The following HSPH1 variants were observed in gnomAD, a reference collection of about 807,000 sequenced individuals.
The protein encoded by HSPH1 is heat shock protein 105 kDa.
In HSPH1, 40 loss-of-function variants were observed where a neutral mutation model predicts 100.0. That is an observed-to-expected ratio of 0.40 (90% CI 0.31 to 0.52). The LOEUF (loss-of-function observed/expected upper bound fraction) is 0.52. HSPH1 is among the 20% of genes least tolerant of loss of function. The pLI is 0.54. For missense variants in HSPH1, 876 were observed against 1,015.1 expected, an observed-to-expected ratio of 0.86 and a Z score of 1.86; for synonymous variants, 403 against 344.0, an observed-to-expected ratio of 1.17 and a Z score of -1.90.
upstream of HSPH1, chr13:31,162,054 C>T (rs910023268): frequency 1.3e-6 from 2 of 1,536,152 alleles, no homozygotes; most frequent in Non-Finnish European, 8.7e-7. Context: ...AGATTCTACC[C>T]AATGGGCAGC....
chr13:31,145,787 A>C lies in HSPH1; in HGVS notation c.1379-19T>G, dbSNP rs781389311. On this transcript the variant is annotated intron_variant, in intron 10 of 17. Coordinates refer to ENST00000320027, the MANE Select transcript of HSPH1 (RefSeq NM_006644.4). ...AAGCGGCCTAGAACAACAACAACAA[A>C]AATCACAAAATCACAATTTATTTAG... 16 of 1,598,364 alleles carry C rather than the reference A, an allele frequency of 1.0e-5. No individual in the cohort carries two copies. The highest frequency in any genetic ancestry group is 1.7e-4 in the Middle Eastern group (1 of 6,020).
rs1956235646 is a variant in HSPH1, at chr13:31,145,492, C to G, written c.1584+71G>C. On this transcript the variant is annotated intron_variant, in intron 11 of 17. Coordinates refer to ENST00000320027, the MANE Select transcript of HSPH1 (RefSeq NM_006644.4). ...GGAAAACATTCATTTTAACCCTTCCCTACCCAATTCTCCTATAGCTTAGAA... is the reference window on the plus strand; with the variant it reads ...GGAAAACATTCATTTTAACCCTTCCGTACCCAATTCTCCTATAGCTTAGAA... 4 of 1,159,252 alleles carry G rather than the reference C, an allele frequency of 3.5e-6. No individual in the cohort carries two copies. The South Asian group carries it at 5.3e-5, about 15-fold the overall frequency. 71.8% of individuals were successfully genotyped at this position (1,159,252 alleles called of 1,614,324 possible).
rs1955910286 is a variant in HSPH1, at chr13:31,137,192, A to AT, written c.*125dup. ...ACTTAAGCTTTTTTTCTTTTTCCAT[A>AT]TAATACACAAAATTTCTAAATATCC... On this transcript the variant is annotated 3_prime_UTR_variant, in exon 18 of 18. Coordinates refer to ENST00000320027, the MANE Select transcript of HSPH1 (RefSeq NM_006644.4). 3 of 741,544 alleles carry AT rather than the reference A, an allele frequency of 4.0e-6. No individual in the cohort carries two copies. Among genetic ancestry groups the AT allele is most frequent in the Admixed American group, 4.8e-5 (2 of 42,008 alleles). 45.9% of individuals were successfully genotyped at this position (741,544 alleles called of 1,614,324 possible). A position where few individuals can be genotyped will look rare whatever the true frequency, so the allele number is the denominator to read the frequency against.
intron 2 of HSPH1, among the ~76,000 whole-genome samples, chr13:31,156,564 C>CA (rs34646240): frequency 0.68 from 97,309 of 142,516 alleles, 32,580 homozygotes; most frequent in Middle Eastern, 0.73. Context: ...AACTCATTCT[C>CA]AAAAAAAAAA....
In HSPH1 at chr13:31,143,624, A is replaced by G. The variant is rs1593186790; in HGVS notation, c.1716+168T>C. 2.6e-5 allele frequency among the ~76,000 whole-genome samples: 4 copies of G among 152,318 alleles called. No individual in the cohort carries two copies. In the South Asian group the frequency reaches 8.3e-4, roughly 32 times the overall value. On this transcript the variant is annotated intron_variant, in intron 12 of 17. Transcript: ENST00000320027. ...ATTCAATTCCCTTAATTGAGCTTGA[A>G]TACCTCTAACTGGTTTTAGTTGAAA...
intron 3 of HSPH1, among the ~76,000 whole-genome samples, 169 bp downstream of exon 3, chr13:31,155,345 A>T (rs535107834): frequency 3.7e-4 from 56 of 152,344 alleles, no homozygotes; most frequent in Non-Finnish European, 7.4e-4. Flanking sequence ...TTTGAATAAT[A>T]TTCAAAGACA....
At chr13:31,154,556 C>T (rs1286950961) in intron 4 of HSPH1, 77 bp downstream of exon 4, 1 of 1,531,284 alleles carries the variant, frequency 6.5e-7, no homozygotes, top group Non-Finnish European at 9.0e-7. Context: ...AACAGCTTTC[C>T]CACATTTCAT....
intron 12 of HSPH1, among the ~76,000 whole-genome samples, chr13:31,142,137 G>A (rs926494716): frequency 9.9e-5 from 15 of 152,078 alleles, no homozygotes; most frequent in African/African-American, 2.7e-4. Flanking sequence ...CATGTATCCT[G>A]TAGGTAGGAT....
In HSPH1 at chr13:31,154,669, G is replaced by A; in HGVS notation, c.393C>T (p.Asn131=). The A allele has an allele frequency of 6.2e-7, 1 of 1,614,028 alleles. No homozygotes were observed. The highest frequency in any genetic ancestry group is 8.5e-7 in the Non-Finnish European group (1 of 1,179,940). ...LLTKLKETAE[N]SLKKPVTDCV... ...AATCTGTTACTGGTTTCTTGAGGCT[G>A]TTTTCAGCAGTTTCCTTCAGCTTAG... Residue 131 remains asparagine (N), a synonymous_variant, in exon 4 of 18, where the codon AAC becomes AAT. Transcript: ENST00000320027.
intron 10 of HSPH1, 100 bp from the exon 11 acceptor site, chr13:31,145,868 C>T (rs1255380139): frequency 9.1e-7 from 1 of 1,103,592 alleles, no homozygotes; most frequent in Non-Finnish European, 1.3e-6. Context: ...GTCTGTAATC[C>T]CAGCACTTTG....
At chr13:31,142,167 G>A (rs1459952258) in intron 12 of HSPH1, among the ~76,000 whole-genome samples, 2 of 152,052 alleles carry the variant, frequency 1.3e-5, no homozygotes, top group African/African-American at 2.4e-5. Context: ...GGAAGAGACT[G>A]GCCCATGAGG....
intron 1 of HSPH1, among the ~76,000 whole-genome samples, chr13:31,159,612 G>C (rs1444266997): frequency 6.6e-6 from 1 of 152,158 alleles, no homozygotes; most frequent in African/African-American, 2.4e-5. Context: ...AAGAAGGTAA[G>C]TGAATTAGGT....
At chr13:31,155,757 A>AT (rs1410906121) in intron 2 of HSPH1, 103 bp from the exon 3 acceptor site, 1 of 906,750 alleles carries the variant, frequency 1.1e-6, no homozygotes, top group Non-Finnish European at 1.7e-6. Flanking sequence ...AACCAATCCT[A>AT]TGAGTGCACA....
chr13:31,141,364 C>A (rs1023360182), intron 12 of HSPH1, 105 bp from the exon 13 acceptor site: 5 of 918,564 alleles, frequency 5.4e-6, no homozygotes, highest in Non-Finnish European at 8.1e-6. Context: ...AAAATAAAAT[C>A]TCTAAAAATC....
intron 5 of HSPH1, chr13:31,151,947 T>C (rs916479689): frequency 9.4e-6 from 5 of 531,260 alleles, no homozygotes; most frequent in Non-Finnish European, 1.3e-5. Context: ...CAATGCTCTA[T>C]CACTTTTCAA....
chr13:31,158,318 A>T (rs1956771057), intron 2 of HSPH1, among the ~76,000 whole-genome samples: 1 of 152,188 alleles, frequency 6.6e-6, no homozygotes, highest in African/African-American at 2.4e-5. Flanking sequence ...TGGGAGGCTG[A>T]GACAGATGGA....
At chr13:31,162,009 C>T (rs1266662155), upstream of HSPH1, 2 of 1,536,160 alleles carry the variant, frequency 1.3e-6, no homozygotes, top group East Asian at 2.4e-5. Flanking sequence ...CCTCCACGTG[C>T]CACTTCCGCT....
At chr13:31,151,323 A>C in intron 6 of HSPH1, 132 bp from the exon 7 acceptor site, 3 of 817,322 alleles carry the variant, frequency 3.7e-6, no homozygotes, top group Non-Finnish European at 3.7e-6. Flanking sequence ...CATGAAATCC[A>C]AATCAGTCAG....
upstream of HSPH1, chr13:31,162,195 A>T: frequency 9.6e-7 from 1 of 1,040,546 alleles, no homozygotes; most frequent in Non-Finnish European, 1.4e-6. Flanking sequence ...ACAGGCAACG[A>T]AGAATGACTC....
Sources: allele counts gnomAD v4.1 joint callset (sites outside exome capture counted in the v4.1 genomes callset), GRCh38; gene constraint gnomAD v4.1.1; transcripts MANE v1.5; gene names NCBI Gene and HGNC (gene_info 2026-07-23, HGNC 2026-07-21).